The following MYO10 variants were observed in gnomAD, a reference collection of about 807,000 sequenced individuals.
MYO10 encodes unconventional myosin-X.
A neutral mutation model predicts 257.3 loss-of-function variants in MYO10; 133 were observed. That is an observed-to-expected ratio of 0.52 (90% CI 0.45 to 0.60). The LOEUF is 0.60. MYO10 is among the 20% of genes least tolerant of loss of function. MYO10 has a pLI of 0.00. For missense variants in MYO10, 2,399 were observed against 2,635.7 expected, an observed-to-expected ratio of 0.91 and a Z score of 1.97; for synonymous variants, 1,104 against 1,028.6, an observed-to-expected ratio of 1.07 and a Z score of -1.40.
At chr5:16,779,345 T>C (rs1741331093) in intron 9 of MYO10, among the ~76,000 whole-genome samples, 200 bp downstream of exon 9, 1 of 151,800 alleles carries the variant, frequency 6.6e-6, no homozygotes, top group Non-Finnish European at 1.5e-5. Context: ...GAAAGAAGAG[T>C]CCTCAAACCC....
chr5:16,893,163 C>G (rs1038272742), intron 1 of MYO10, among the ~76,000 whole-genome samples: 5 of 130,830 alleles, frequency 3.8e-5, no homozygotes, highest in East Asian at 2.3e-4. Flanking sequence ...CGCCACTGCA[C>G]TCCAGCCTGG....
intron 19 of MYO10, among the ~76,000 whole-genome samples, chr5:16,733,553 G>A (rs1739669977): frequency 6.6e-6 from 1 of 152,176 alleles, no homozygotes; most frequent in African/African-American, 2.4e-5. Flanking sequence ...CTGCTTTCCA[G>A]AAGGAAGGAA....
intron 2 of MYO10, among the ~76,000 whole-genome samples, chr5:16,839,807 T>C (rs1317458217): frequency 6.8e-6 from 1 of 147,692 alleles, no homozygotes; most frequent in African/African-American, 2.4e-5. Context: ...AACCGTAGGC[T>C]AATGTAAGTG....
chr5:16,759,533 T>C (rs556724289), intron 17 of MYO10, among the ~76,000 whole-genome samples: 1 of 152,184 alleles, frequency 6.6e-6, no homozygotes, highest in African/African-American at 2.4e-5. Context: ...GTGAAGCAAG[T>C]GAACAGCCCC....
chr5:16,876,981 G>A (rs1167707391), intron 2 of MYO10, among the ~76,000 whole-genome samples: 1 of 152,096 alleles, frequency 6.6e-6, no homozygotes, highest in Non-Finnish European at 1.5e-5. Flanking sequence ...TGGGATTAGT[G>A]CCCTTATAAA....
intron 2 of MYO10, among the ~76,000 whole-genome samples, chr5:16,853,303 G>A (rs1743864383): frequency 6.6e-6 from 1 of 152,012 alleles, no homozygotes. Flanking sequence ...GAACCCGAGA[G>A]GCGGAGCTTG....
At chr5:16,700,872 C>T in intron 25 of MYO10, 91 bp downstream of exon 25, 2 of 1,385,248 alleles carry the variant, frequency 1.4e-6, no homozygotes, top group Non-Finnish European at 1.9e-6. Flanking sequence ...GCACAGATAT[C>T]CTACGGGTAT....
At chr5:16,828,985 C>T (rs1302452742) in intron 2 of MYO10, among the ~76,000 whole-genome samples, 1 of 152,150 alleles carries the variant, frequency 6.6e-6, no homozygotes, top group Non-Finnish European at 1.5e-5. Flanking sequence ...TAGCTGGACC[C>T]TGGGGATACA....
At chr5:16,797,202 C>T (rs138575041) in intron 3 of MYO10, among the ~76,000 whole-genome samples, 2 of 152,108 alleles carry the variant, frequency 1.3e-5, no homozygotes, top group African/African-American at 4.8e-5. Context: ...AAATCTGAAG[C>T]TTTTTGAGCA....
chr5:16,719,283 T>C (rs31293), intron 19 of MYO10, among the ~76,000 whole-genome samples: 115,659 of 151,986 alleles, frequency 0.76, 45,337 homozygotes, highest in East Asian at 0.86. Flanking sequence ...GGTCCGCGGC[T>C]TCATTCTTGA....
rs1425179040 is a variant in MYO10, at chr5:16,703,152, T to C, written c.2283A>G (p.Gln761=). ...CCACACAATAAAGGACCTTTCTGTA[T>C]TGTTTTCTGAAAATGAAAGAAAACA... is the stretch of plus-strand genomic sequence containing the variant. ...AHVLGFLARK[Q]YRKVLYCVVI... The change falls in exon 23 of 41, where the codon CAA becomes CAG. Residue 761 remains glutamine, a synonymous_variant. Coordinates refer to ENST00000513610, the MANE Select transcript of MYO10 (RefSeq NM_012334.3). The C allele has an allele frequency of 5.0e-6, 8 of 1,591,402 alleles. No individual in the cohort carries two copies. The highest frequency in any genetic ancestry group is 6.9e-6 in the Non-Finnish European group (8 of 1,167,684).
chr5:16,835,732 T>C (rs1159309589), intron 2 of MYO10, among the ~76,000 whole-genome samples: 3 of 150,276 alleles, frequency 2.0e-5, no homozygotes, highest in African/African-American at 4.9e-5. Context: ...AATGGAAAGA[T>C]TAGGGAAAGG....
chr5:16,744,084 T>C (rs558511900), intron 19 of MYO10, among the ~76,000 whole-genome samples: 5 of 152,280 alleles, frequency 3.3e-5, no homozygotes, highest in Admixed American at 2.0e-4. Flanking sequence ...AAGGAAAAAC[T>C]TTTTTAAGGC....
chr5:16,719,926 T>C (rs1579902157), intron 19 of MYO10, among the ~76,000 whole-genome samples: 2 of 152,166 alleles, frequency 1.3e-5, no homozygotes, highest in South Asian at 2.1e-4. Flanking sequence ...ATTGTACCAT[T>C]GCACTCCAGC....
At chr5:16,891,320 A>AGGAAGGAAGG (rs1317043978) in intron 1 of MYO10, among the ~76,000 whole-genome samples, 1 of 88,018 alleles carries the variant, frequency 1.1e-5, no homozygotes, top group East Asian at 3.0e-4. Flanking sequence ...GGAGAAGAGA[A>AGGAAGGAAGG]AAGGAAGGAA....
At position 16,756,201 on chromosome 5, in the gene MYO10, T is replaced by C. The variant is rs542765625; in HGVS notation, c.1849-1293A>G. Among the ~76,000 whole-genome samples, 5 of 152,176 alleles carry C rather than the reference T, an allele frequency of 3.3e-5. No individual in the cohort carries two copies. The South Asian group carries it at 1.0e-3, about 32-fold the overall frequency. On this transcript the variant is annotated intron_variant, in intron 18 of 40. Coordinates refer to ENST00000513610, the MANE Select transcript of MYO10 (RefSeq NM_012334.3). ...GATCCTCCTACCTCAGCCTCCTGAGTAGCTGGGAATACAAGGGCATGCCGA... is the reference window on the plus strand; with the variant it reads ...GATCCTCCTACCTCAGCCTCCTGAGCAGCTGGGAATACAAGGGCATGCCGA...
rs576110506 is a variant in MYO10, at chr5:16,868,365, G to C, written c.120+9244C>G. ...CATGTCTGTAATCCCAGCACTTTGG[G>C]AGGCCAAGGCAGGCAGATCACAAGG... On this transcript the variant is annotated intron_variant, in intron 2 of 40. Coordinates refer to ENST00000513610, the MANE Select transcript of MYO10 (RefSeq NM_012334.3). Among the ~76,000 whole-genome samples the C allele has an allele frequency of 3.3e-5, 5 of 152,286 alleles. No individual in the cohort carries two copies. In the South Asian group the frequency reaches 1.0e-3, roughly 32 times the overall value.
intron 2 of MYO10, among the ~76,000 whole-genome samples, chr5:16,876,873 T>C (rs1490966802): frequency 1.3e-5 from 2 of 152,122 alleles, no homozygotes; most frequent in Admixed American, 6.5e-5. Flanking sequence ...ATGTTTGTAT[T>C]CTCCCCCCAA....
intron 14 of MYO10, 91 bp downstream of exon 14, chr5:16,763,390 C>T (rs959225378): frequency 7.4e-6 from 7 of 947,432 alleles, no homozygotes; most frequent in Admixed American, 1.9e-5. Flanking sequence ...CGTTGATGTG[C>T]GTGTTCGTGC....
Sources: gnomAD v4.1 joint callset for allele counts (sites outside exome capture counted in the v4.1 genomes callset) on GRCh38, gnomAD v4.1.1 for gene constraint, MANE v1.5 for transcripts, NCBI Gene and HGNC (gene_info 2026-07-23, HGNC 2026-07-21) for gene names.